The following ROBO2 variants were observed in gnomAD, a reference collection of about 807,000 sequenced individuals.
The protein encoded by ROBO2 is roundabout guidance receptor 2.
Under a neutral mutation model 160.8 loss-of-function variants are expected in ROBO2, and 53 were observed. The observed-to-expected ratio is 0.33, with a 90% CI of 0.26 to 0.41. The LOEUF is 0.41. Ranked by LOEUF, ROBO2 falls within the 10% of genes least tolerant of loss-of-function variation. The probability of loss-of-function intolerance (pLI) is 1.00; values close to 1 mark genes in which losing one functional copy is unlikely to be tolerated. For missense variants in ROBO2, 1,577 were observed against 1,722.4 expected (o/e 0.92, Z 1.49); for synonymous variants, 664 against 611.7 (o/e 1.09, Z -1.26).
chr3:76,724,026 A>G (rs772804144), intron 2 of ROBO2, among the ~76,000 whole-genome samples: 1 of 152,148 alleles, frequency 6.6e-6, no homozygotes, highest in African/African-American at 2.4e-5. Flanking sequence ...CAGCATCTAC[A>G]CTGTCTAGTC....
intron 2 of ROBO2, among the ~76,000 whole-genome samples, chr3:77,260,142 T>A (rs2058683901): frequency 6.6e-6 from 1 of 152,162 alleles, no homozygotes; most frequent in Non-Finnish European, 1.5e-5. Context: ...TCATCGAGAC[T>A]AGGAAAGAAA....
chr3:77,530,827 T>A (rs1355748167), intron 6 of ROBO2, among the ~76,000 whole-genome samples: 1 of 152,020 alleles, frequency 6.6e-6, no homozygotes, highest in African/African-American at 2.4e-5. Context: ...AATGCTGAAA[T>A]ATTCATTTGT....
chr3:76,452,476 C>T (rs2077527306), intron 2 of ROBO2, among the ~76,000 whole-genome samples: 1 of 152,128 alleles, frequency 6.6e-6, no homozygotes, highest in African/African-American at 2.4e-5. Context: ...TTTCCAATTT[C>T]ATCCATGTCC....
chr3:76,230,475 C>T (rs2107466865), intron 2 of ROBO2, among the ~76,000 whole-genome samples: 1 of 152,246 alleles, frequency 6.6e-6, no homozygotes, highest in East Asian at 1.9e-4. Flanking sequence ...GAGTGCTAAG[C>T]CACATCATCT....
chr3:77,408,848 T>C (rs1193788984), intron 2 of ROBO2, among the ~76,000 whole-genome samples: 1 of 151,928 alleles, frequency 6.6e-6, no homozygotes, highest in Non-Finnish European at 1.5e-5. Flanking sequence ...CCTCAGCCTC[T>C]TGCATAGCTG....
At chr3:76,208,890 T>G (rs973639187) in intron 2 of ROBO2, among the ~76,000 whole-genome samples, 1 of 152,164 alleles carries the variant, frequency 6.6e-6, no homozygotes, top group African/African-American at 2.4e-5. Flanking sequence ...AATGACAAGC[T>G]GAACGTGTCT....
In ROBO2 at chr3:76,034,681, A is replaced by G. The variant is rs554483951; in HGVS notation, c.109+97079A>G. On this transcript the variant is annotated intron_variant, in intron 2 of 26. Transcript: ENST00000487694. The stretch of plus-strand genomic sequence containing the variant: ...TAACTTCTTCTTGTCTTATCACCTC[A>G]AATCCATGTTTTTGGTGATGTGCCA... Among the ~76,000 whole-genome samples, 30 of 151,056 alleles carry G rather than the reference A, an allele frequency of 2.0e-4. 1 individual carries two copies. Among genetic ancestry groups the G allele is most frequent in the African/African-American group, 7.2e-4 (29 of 40,328 alleles).
At chr3:76,853,975 C>T (rs2069705240) in intron 2 of ROBO2, among the ~76,000 whole-genome samples, 1 of 150,588 alleles carries the variant, frequency 6.6e-6, no homozygotes, top group African/African-American at 2.4e-5. Context: ...TTGCAGTCTT[C>T]TGGAAAAATG....
At chr3:76,060,039 T>C (rs2068016184) in intron 2 of ROBO2, among the ~76,000 whole-genome samples, 1 of 152,218 alleles carries the variant, frequency 6.6e-6, no homozygotes, top group Non-Finnish European at 1.5e-5. Flanking sequence ...GAAACTCTTT[T>C]ATATATTTTT....
intron 2 of ROBO2, among the ~76,000 whole-genome samples, chr3:77,432,667 T>C (rs1311101973): frequency 6.6e-6 from 1 of 152,212 alleles, no homozygotes; most frequent in African/African-American, 2.4e-5. Flanking sequence ...CAAAGACCTT[T>C]TGGTCCACAA....
At chr3:77,147,124 T>G (rs2077185729) in intron 2 of ROBO2, among the ~76,000 whole-genome samples, 1 of 152,236 alleles carries the variant, frequency 6.6e-6, no homozygotes, top group Admixed American at 6.5e-5. Context: ...TATTTCAACT[T>G]GTTTACTAAA....
chr3:76,347,366 G>C (rs1312710705), intron 2 of ROBO2, among the ~76,000 whole-genome samples: 1 of 152,116 alleles, frequency 6.6e-6, no homozygotes, highest in Non-Finnish European at 1.5e-5. Context: ...AGTTTAAACA[G>C]TTTAGAAAAT....
At chr3:76,510,848 A>G (rs537749227) in intron 2 of ROBO2, among the ~76,000 whole-genome samples, 158 of 152,342 alleles carry the variant, frequency 1.0e-3, no homozygotes, top group African/African-American at 3.7e-3. Context: ...TAGCTTCTCA[A>G]TGAACACATG....
chr3:77,337,333 G>A (rs1477538115), intron 2 of ROBO2, among the ~76,000 whole-genome samples: 2 of 152,034 alleles, frequency 1.3e-5, no homozygotes, highest in African/African-American at 2.4e-5. Context: ...TAAGAAAAAT[G>A]GCATCTCTTC....
intron 2 of ROBO2, among the ~76,000 whole-genome samples, chr3:76,744,385 G>T (rs2093850614): frequency 1.3e-5 from 2 of 150,310 alleles, no homozygotes; most frequent in South Asian, 4.2e-4. Flanking sequence ...TTTGAGATAG[G>T]GTCTCCTTAT....
intron 2 of ROBO2, among the ~76,000 whole-genome samples, chr3:76,615,401 A>T (rs2088502629): frequency 6.6e-6 from 1 of 152,110 alleles, no homozygotes; most frequent in Non-Finnish European, 1.5e-5. Context: ...CAAATTGTTT[A>T]ATAATAATAA....
chr3:76,663,276 T>C (rs547822827), intron 2 of ROBO2, among the ~76,000 whole-genome samples: 1 of 152,274 alleles, frequency 6.6e-6, no homozygotes, highest in East Asian at 1.9e-4. Flanking sequence ...GGTTTAGGGT[T>C]GAAGAAGATG....
intron 2 of ROBO2, among the ~76,000 whole-genome samples, chr3:77,418,767 T>G (rs1386101431): frequency 6.6e-6 from 1 of 152,106 alleles, no homozygotes; most frequent in East Asian, 1.9e-4. Flanking sequence ...TATTTGTTGC[T>G]GTAGAATTTT....
At chr3:76,595,897 C>T (rs1395347860) in intron 2 of ROBO2, among the ~76,000 whole-genome samples, 2 of 151,138 alleles carry the variant, frequency 1.3e-5, no homozygotes, top group East Asian at 1.9e-4. Flanking sequence ...TTCAAACACC[C>T]GTGAGCCACG....
Sources: allele counts gnomAD v4.1 joint callset (sites outside exome capture counted in the v4.1 genomes callset), GRCh38; gene constraint gnomAD v4.1.1; transcripts MANE v1.5; gene names NCBI Gene and HGNC (gene_info 2026-07-23, HGNC 2026-07-21).